The following COL5A1 variants were observed in gnomAD, a reference collection of about 807,000 sequenced individuals.
The protein encoded by COL5A1 is collagen type V alpha 1 chain.
A neutral mutation model predicts 263.7 loss-of-function variants in COL5A1; 16 were observed. The ratio of observed to expected loss-of-function variants is 0.06; its 90% CI spans 0.04 to 0.09. The LOEUF (loss-of-function observed/expected upper bound fraction) is 0.09, where lower values mean the gene tolerates loss of function less well. Ranked by LOEUF, COL5A1 falls within the 10% of genes least tolerant of loss-of-function variation. The pLI is 1.00. For missense variants in COL5A1, 2,036 were observed against 2,540.5 expected (o/e 0.80, Z 4.27); for synonymous variants, 1,012 against 1,004.5 (o/e 1.01, Z -0.14).
rs1340895556 is a variant in COL5A1 at position 134,741,203 on chromosome 9, C to T, written c.1494+2395C>T. Among the ~76,000 whole-genome samples the T allele has an allele frequency of 6.6e-6, 1 of 152,200 alleles. No homozygotes were observed. Among genetic ancestry groups the T allele is most frequent in the African/African-American group, 2.4e-5 (1 of 41,452 alleles). On this transcript the variant is annotated intron_variant, in intron 11 of 65. Coordinates refer to ENST00000371817, the MANE Select transcript of COL5A1 (RefSeq NM_000093.5). The surrounding 1 kb of genome is among the most constrained non-coding windows in gnomAD (Gnocchi z 4.5). ...GGTGGGCCGGGCTCAGGTGCCTGTG[C>T]GGCGGAGAAACAACATTGTCTCTGC...
rs1836458240 is a variant in COL5A1, at chr9:134,761,908, A to T, written c.1936-17A>T. 1 of 1,613,130 alleles carries T rather than the reference A, an allele frequency of 6.2e-7. No individual in the cohort carries two copies. Among genetic ancestry groups the T allele is most frequent in the Non-Finnish European group, 8.5e-7 (1 of 1,179,756 alleles). On this transcript the variant is annotated splice_polypyrimidine_tract_variant and intron_variant, in intron 18 of 65. Transcript: ENST00000371817. ...ACCTGCTCAGGAGAGGCTGACGTTGACCCTTTCACTTCCTAGGGTGACCCT... is the reference window on the plus strand; with the variant it reads ...ACCTGCTCAGGAGAGGCTGACGTTGTCCCTTTCACTTCCTAGGGTGACCCT...
At chr9:134,792,027 T>C (rs1399412360) in intron 32 of COL5A1, among the ~76,000 whole-genome samples, 2 of 152,150 alleles carry the variant, frequency 1.3e-5, no homozygotes, top group African/African-American at 4.8e-5. Context: ...ACATTTTTGC[T>C]GAGCCCTGCA....
chr9:134,665,890 C>T (rs1317870630), intron 1 of COL5A1, among the ~76,000 whole-genome samples: 1 of 152,200 alleles, frequency 6.6e-6, no homozygotes, highest in African/African-American at 2.4e-5. Flanking sequence ...GAGTTCAAGA[C>T]CAGCCTGACC....
intron 14 of COL5A1, 37 bp from the exon 15 acceptor site, chr9:134,753,813 C>T (rs1372917394): frequency 2.6e-6 from 4 of 1,568,512 alleles, no homozygotes; most frequent in Non-Finnish European, 1.8e-6. Context: ...CGAGTCCCCA[C>T]CTCGAGCAGA....
chr9:134,673,913 C>A (rs537999988), intron 1 of COL5A1, among the ~76,000 whole-genome samples: 1 of 152,292 alleles, frequency 6.6e-6, no homozygotes, highest in South Asian at 2.1e-4. Flanking sequence ...AAGATTCAGA[C>A]AAATGTTCCA....
chr9:134,760,254 ACCC>A (rs1366279998), intron 18 of COL5A1, among the ~76,000 whole-genome samples: 11 of 82,512 alleles, frequency 1.3e-4, no homozygotes, highest in East Asian at 4.5e-4. Flanking sequence ...ACACCCACAC[ACCC>A]CACACTGATA....
intron 32 of COL5A1, among the ~76,000 whole-genome samples, chr9:134,790,013 C>G: frequency 6.6e-6 from 1 of 152,280 alleles, no homozygotes; most frequent in South Asian, 2.1e-4. Flanking sequence ...ACATGCTCCC[C>G]GAAAGATGGC....
At chr9:134,688,379 C>T (rs1053672652) in intron 1 of COL5A1, among the ~76,000 whole-genome samples, 1 of 152,182 alleles carries the variant, frequency 6.6e-6, no homozygotes, top group Non-Finnish European at 1.5e-5. Flanking sequence ...ACCCAGGGCT[C>T]GGCACTGTGT....
chr9:134,732,444 C>G, intron 9 of COL5A1: 1 of 524,258 alleles, frequency 1.9e-6, no homozygotes, highest in East Asian at 3.4e-5. Flanking sequence ...TCAGAGCTAT[C>G]GAGGCGGAGG....
intron 11 of COL5A1, among the ~76,000 whole-genome samples, chr9:134,743,850 G>A (rs150238681): frequency 6.6e-6 from 1 of 152,088 alleles, no homozygotes; most frequent in African/African-American, 2.4e-5. Flanking sequence ...GAAAAGTTTC[G>A]TATGTAAGCC....
chr9:134,826,467 G>A (rs1028839752), intron 63 of COL5A1, among the ~76,000 whole-genome samples: 4 of 152,172 alleles, frequency 2.6e-5, no homozygotes, highest in Admixed American at 2.0e-4. Flanking sequence ...GTGGCCTTTC[G>A]GAGGCCTCAG....
rs55724330 is a variant in COL5A1, at chr9:134,817,189, G to C, written c.4176+110G>C. The C allele has an allele frequency of 8.1e-5, 77 of 945,314 alleles. No individual in the cohort carries two copies. In the African/African-American group the frequency reaches 1.2e-3, roughly 15 times the overall value. 58.6% of individuals were successfully genotyped at this position (945,314 alleles called of 1,614,324 possible). A position where few individuals can be genotyped will look rare whatever the true frequency, so the allele number is the denominator to read the frequency against. On this transcript the variant is annotated intron_variant, in intron 53 of 65. Transcript: ENST00000371817. ...TGGGTGCTCTAAGCTGCACTGATGAGGAAGGGCTCGGGTGTGGCATGTTCT... is the reference window on the plus strand; with the variant it reads ...TGGGTGCTCTAAGCTGCACTGATGACGAAGGGCTCGGGTGTGGCATGTTCT...
Position 134,818,947 on chromosome 9 carries a change from G to A in COL5A1, c.4392+46G>A, listed in dbSNP as rs372114324. On this transcript the variant is annotated intron_variant, in intron 56 of 65. Transcript: ENST00000371817. This position sits in a 1 kb window ranked among gnomAD's most constrained non-coding sequence, Gnocchi z 6.0. ...TGAGCATAGCGGGTGGGATGACTTC[G>A]CCACCCAAAGCCCCAAGGATGAGGA... is the stretch of plus-strand genomic sequence containing the variant. The A allele has an allele frequency of 3.0e-5, 49 of 1,612,678 alleles. No homozygotes were observed. Among genetic ancestry groups the A allele is most frequent in the Admixed American group, 2.3e-4 (14 of 59,998 alleles).
At chr9:134,799,984 G>A (rs965084158) in intron 37 of COL5A1, among the ~76,000 whole-genome samples, 1 of 152,186 alleles carries the variant, frequency 6.6e-6, no homozygotes, top group Non-Finnish European at 1.5e-5. Flanking sequence ...ACATGGCGCT[G>A]GAGTGATGCC....
chr9:134,836,222 G>GTGCAGTGATGGCCCCAGGCTGCT (rs1554726437), intron 65 of COL5A1, among the ~76,000 whole-genome samples: 6 of 152,200 alleles, frequency 3.9e-5, no homozygotes, highest in Admixed American at 3.3e-4. Flanking sequence ...CAGCATCTGC[G>GTGCAGTGATGGCCCCAGGCTGCT]TCCAGTGATG....
At chr9:134,737,698 C>A (rs1307695199) in intron 9 of COL5A1, among the ~76,000 whole-genome samples, 2 of 152,176 alleles carry the variant, frequency 1.3e-5, no homozygotes, top group Non-Finnish European at 2.9e-5. Context: ...GGGCAGGGAG[C>A]CCCGTCCTGC....
intron 61 of COL5A1, 28 bp from the exon 62 acceptor site, chr9:134,824,572 C>T (rs752015608): frequency 8.1e-6 from 13 of 1,613,016 alleles, no homozygotes; most frequent in Non-Finnish European, 1.1e-5. Flanking sequence ...CCTCCATCAC[C>T]CACCGCTGCT....
chr9:134,801,072 T>G (rs1157271635), intron 37 of COL5A1, among the ~76,000 whole-genome samples: 1 of 152,268 alleles, frequency 6.6e-6, no homozygotes, highest in South Asian at 2.1e-4. Context: ...AAGGTCATCT[T>G]TCTCCTTTGA....
At chr9:134,834,875 C>G (rs1839790072) in intron 64 of COL5A1, 96 bp from the exon 65 acceptor site, 2 of 897,442 alleles carry the variant, frequency 2.2e-6, no homozygotes, top group African/African-American at 3.3e-5. Flanking sequence ...CCCGAGAAGA[C>G]CACAGTGTGA....
Sources: gnomAD v4.1 joint callset for allele counts (sites outside exome capture counted in the v4.1 genomes callset) on GRCh38, gnomAD v4.1.1 for gene constraint, Gnocchi (gnomAD v3.1) non-coding constraint, MANE v1.5 for transcripts, NCBI Gene and HGNC (gene_info 2026-07-23, HGNC 2026-07-21) for gene names.